The following LUZP4 variants were observed in gnomAD, a reference collection of about 807,000 sequenced individuals.
The protein encoded by LUZP4 is leucine zipper protein 4, also known as HOM-TES-85 tumor antigen.
In LUZP4, 11 loss-of-function variants were observed where a neutral mutation model predicts 8.5. The ratio of observed to expected loss-of-function variants is 1.30; its 90% confidence interval spans 0.82 to 2.14. The LOEUF is 2.14. Among genes scored for constraint, LUZP4 ranks in the 30% most tolerant of loss-of-function variants. The pLI, the probability that LUZP4 is intolerant of heterozygous loss-of-function variation, is 0.00. For synonymous variants in LUZP4, 104 were observed against 79.4 expected (o/e 1.31, Z -1.65); for missense variants, 276 against 229.7 (o/e 1.20, Z -1.30).
chrX:115,292,040 C>T (rs1002809962), intron 1 of LUZP4, among the ~76,000 whole-genome samples: 2 of 112,573 alleles, frequency 1.8e-5, no homozygotes, highest in African/African-American at 6.4e-5. Flanking sequence ...CCCACCTCGG[C>T]CTCACACAGT....
At chrX:115,301,343 T>C (rs1236799248) in intron 1 of LUZP4, among the ~76,000 whole-genome samples, 6 of 111,828 alleles carry the variant, frequency 5.4e-5, no homozygotes, top group Admixed American at 1.9e-4. Context: ...GTTGTACCTG[T>C]CTGCCATTCT....
intron 1 of LUZP4, among the ~76,000 whole-genome samples, chrX:115,300,723 A>G (rs1214301050): frequency 9.0e-6 from 1 of 111,141 alleles, no homozygotes; most frequent in African/African-American, 3.3e-5. Flanking sequence ...TCAATGCCTC[A>G]TGATTGCTGT....
At chrX:115,303,248 A>G (rs1221491591) in intron 2 of LUZP4, 52 bp from the exon 3 acceptor site, 4 of 713,363 alleles carry the variant, frequency 5.6e-6, no homozygotes, top group Non-Finnish European at 8.4e-6. Flanking sequence ...TACTTCTGAA[A>G]GATACATTGA....
chrX:115,306,847 T>C lies in LUZP4; in HGVS notation c.*43T>C. 1 of 1,097,499 alleles carries C rather than the reference T, an allele frequency of 9.1e-7. No individual in the cohort carries two copies. The allele number at this position is 1,097,499 out of a possible 1,213,427, so 90.4% of individuals were successfully genotyped here. On this transcript the variant is annotated 3_prime_UTR_variant, in exon 4 of 4. Transcript: ENST00000371920. The stretch of plus-strand genomic sequence containing the variant: ...TGAATTCTGTGGAAATAGAAAAGCA[T>C]ATATCTATATTCTAATGGCTAAATA...
chrX:115,293,809 G>A (rs1437471539), intron 1 of LUZP4, among the ~76,000 whole-genome samples: 4 of 109,149 alleles, frequency 3.7e-5, no homozygotes, highest in Non-Finnish European at 7.6e-5. Flanking sequence ...AAATTAGCCG[G>A]GCGTGGAGGC....
intron 1 of LUZP4, among the ~76,000 whole-genome samples, chrX:115,298,672 C>T (rs1176239750): frequency 1.8e-5 from 2 of 112,035 alleles, no homozygotes; most frequent in African/African-American, 3.2e-5. Flanking sequence ...GTCTTTGTTA[C>T]ATTTATCTGA....
At chrX:115,291,166 G>T (rs1188976521) in intron 1 of LUZP4, among the ~76,000 whole-genome samples, 1 of 110,544 alleles carries the variant, frequency 9.0e-6, no homozygotes, top group Non-Finnish European at 1.9e-5. Flanking sequence ...CACGATCACG[G>T]CTCACTGTGG....
At chrX:115,304,285 G>A (rs2073410706) in intron 3 of LUZP4, among the ~76,000 whole-genome samples, 1 of 111,387 alleles carries the variant, frequency 9.0e-6, no homozygotes, top group African/African-American at 3.3e-5. Flanking sequence ...GTGCTTAATA[G>A]GACATAAGTT....
rs782268504 is a variant in LUZP4 at position 115,306,413 on chromosome X, A to C, written c.551A>C (p.His184Pro). The change falls in exon 4 of 4, where the codon CAT (histidine) becomes CCT (proline). Residue 184 changes from histidine (H) to proline (P), a missense_variant. His to Pro is a moderately conservative substitution (Grantham distance 77, BLOSUM62 -2). Transcript: ENST00000371920. ...DRSQGQLKRHHPQYERSHGQY... is the reference protein window; with the variant it reads ...DRSQGQLKRHPPQYERSHGQY... ...TCTCAAGGGCAGCTAAAGAGACATC[A>C]TCCCCAATATGAGAGATCTCATGGC... The C allele has an allele frequency of 5.0e-6, 6 of 1,211,703 alleles. No individual in the cohort carries two copies. In the South Asian group the frequency reaches 8.8e-5, roughly 18 times the overall value.
intron 3 of LUZP4, among the ~76,000 whole-genome samples, chrX:115,305,573 G>A (rs954059844): frequency 1.8e-5 from 2 of 111,866 alleles, no homozygotes; most frequent in African/African-American, 6.5e-5. Flanking sequence ...TTTGTCAAAG[G>A]TTTCGTTATT....
At chrX:115,290,831 G>A (rs2073345867) in intron 1 of LUZP4, among the ~76,000 whole-genome samples, 1 of 111,540 alleles carries the variant, frequency 9.0e-6, no homozygotes, top group African/African-American at 3.3e-5. Flanking sequence ...TTCTCAGGCA[G>A]GTGTGCAGTG....
At chrX:115,300,747 C>T (rs1227815619) in intron 1 of LUZP4, among the ~76,000 whole-genome samples, 3 of 111,039 alleles carry the variant, frequency 2.7e-5, no homozygotes, top group African/African-American at 9.8e-5. Context: ...CTTCCTTCCC[C>T]AGTGCCCAGA....
intron 1 of LUZP4, among the ~76,000 whole-genome samples, chrX:115,297,631 T>C (rs1368675270): frequency 1.8e-5 from 2 of 111,528 alleles, no homozygotes; most frequent in African/African-American, 6.5e-5. Context: ...CCAGACATAT[T>C]AGAGCTCTTG....
At chrX:115,293,506 G>A (rs1556597750) in intron 1 of LUZP4, among the ~76,000 whole-genome samples, 1 of 110,240 alleles carries the variant, frequency 9.1e-6, no homozygotes, top group Non-Finnish European at 1.9e-5. Flanking sequence ...CTCGACTTCT[G>A]GGCTCAAGCG....
rs2073419684 is a variant in LUZP4, at chrX:115,306,276, A to G, written c.414A>G (p.Gln138=). Residue 138 remains glutamine, a synonymous_variant, in exon 4 of 4, where the codon CAA becomes CAG. Transcript: ENST00000371920. ...GCCAGTCAGAGGGGAACCAGCATCA[A>G]TCAGAAGGAAATCCGGACAAATCAG... The part of the protein sequence containing the change: ...NQGQSEGNQH[Q]SEGNPDKSEE... 2.5e-6 allele frequency: 3 copies of G among 1,211,439 alleles called. No individual in the cohort carries two copies. The highest frequency in any genetic ancestry group is 3.5e-5 in the South Asian group (2 of 56,947).
rs184257282 is a variant in LUZP4 at position 115,301,155 on chromosome X, C to T, written c.92-837C>T. On this transcript the variant is annotated intron_variant, in intron 1 of 3. Coordinates refer to ENST00000371920, the MANE Select transcript of LUZP4 (RefSeq NM_016383.5). ...AGAATCTCCAGTTTTTTCCAAATAC[C>T]TAGCTTGTCCTTCTTTTTTTCTTTT... Among the ~76,000 whole-genome samples, 9 of 111,051 alleles carry T rather than the reference C, an allele frequency of 8.1e-5. No homozygotes were observed. The East Asian group carries it at 2.5e-3, about 31-fold the overall frequency.
At chrX:115,293,597 TA>T (rs200317378) in intron 1 of LUZP4, among the ~76,000 whole-genome samples, 2 of 109,501 alleles carry the variant, frequency 1.8e-5, no homozygotes, top group Non-Finnish European at 3.8e-5. Flanking sequence ...ATCCTTTTTT[TA>T]AAAAAAAAGC....
chrX:115,296,766 G>A (rs782786376), intron 1 of LUZP4, among the ~76,000 whole-genome samples: 1 of 111,377 alleles, frequency 9.0e-6, no homozygotes, highest in Non-Finnish European at 1.9e-5. Context: ...TTAAAATTAC[G>A]TATGATTTCA....
At chrX:115,302,600 A>C (rs936027522) in intron 2 of LUZP4, among the ~76,000 whole-genome samples, 2 of 113,147 alleles carry the variant, frequency 1.8e-5, no homozygotes, top group Non-Finnish European at 3.7e-5. Flanking sequence ...TTTAATATGA[A>C]TGTGCTACAG....
Sources: gnomAD v4.1 joint callset for allele counts (sites outside exome capture counted in the v4.1 genomes callset) on GRCh38, gnomAD v4.1.1 for gene constraint, MANE v1.5 for transcripts, NCBI Gene and HGNC (gene_info 2026-07-23, HGNC 2026-07-21) for gene names.